Variants in RNF220 observed in about 807,000 individuals in gnomAD.
The protein encoded by RNF220 is ring finger protein 220, also known as E3 ubiquitin-protein ligase RNF220.
In RNF220, 7 loss-of-function variants were observed where a neutral mutation model predicts 67.1. The ratio of observed to expected loss-of-function variants is 0.10; its 90% CI spans 0.06 to 0.20. The LOEUF (loss-of-function observed/expected upper bound fraction) is 0.20, where lower values mean the gene tolerates loss of function less well. Among genes scored for constraint, RNF220 ranks in the 10% least tolerant of loss-of-function variants. The pLI is 1.00. For synonymous variants in RNF220, 270 were observed against 283.2 expected, an observed-to-expected ratio of 0.95 and a Z score of 0.47; for missense variants, 565 against 740.3, an observed-to-expected ratio of 0.76 and a Z score of 2.75.
chr1:44,551,939 G>T (rs1195228701), intron 2 of RNF220, among the ~76,000 whole-genome samples: 1 of 152,078 alleles, frequency 6.6e-6, no homozygotes, highest in Non-Finnish European at 1.5e-5. Flanking sequence ...TCCTTATGGG[G>T]CATGGTTGGC....
chr1:44,571,715 A>G (rs920253716), intron 2 of RNF220, among the ~76,000 whole-genome samples: 2 of 152,184 alleles, frequency 1.3e-5, no homozygotes, highest in Non-Finnish European at 2.9e-5. Flanking sequence ...CAATCTCCTG[A>G]GCTTCCAACT....
chr1:44,491,223 C>A (rs562004740), intron 2 of RNF220, among the ~76,000 whole-genome samples: 1 of 152,160 alleles, frequency 6.6e-6, no homozygotes, highest in Non-Finnish European at 1.5e-5. Context: ...GAACCTTTCC[C>A]AAATTATTTC....
intron 2 of RNF220, among the ~76,000 whole-genome samples, chr1:44,529,897 A>AC (rs1285791478): frequency 9.7e-6 from 1 of 103,022 alleles, no homozygotes; most frequent in Non-Finnish European, 2.1e-5. Context: ...CTAAAAATAC[A>AC]AAAAAAATTA....
chr1:44,517,456 TTTTC>T (rs1659546072), intron 2 of RNF220, among the ~76,000 whole-genome samples: 1 of 152,200 alleles, frequency 6.6e-6, no homozygotes, highest in South Asian at 2.1e-4. Flanking sequence ...TCACCTGTTT[TTTTC>T]TTTCTTTCTT....
intron 2 of RNF220, among the ~76,000 whole-genome samples, chr1:44,497,238 C>T (rs1657419114): frequency 6.6e-6 from 1 of 152,074 alleles, no homozygotes. Context: ...ATGTTTGTCT[C>T]ATCCTTTCCA....
At chr1:44,414,295 C>G (rs1311114431) in intron 2 of RNF220, among the ~76,000 whole-genome samples, 2 of 152,222 alleles carry the variant, frequency 1.3e-5, no homozygotes, top group Non-Finnish European at 2.9e-5. Flanking sequence ...AATGTGACCT[C>G]CAGCCAAAAC....
chr1:44,546,273 C>T (rs567231296), intron 2 of RNF220, among the ~76,000 whole-genome samples: 1 of 152,264 alleles, frequency 6.6e-6, no homozygotes, highest in African/African-American at 2.4e-5. Context: ...CTGTCCTCCT[C>T]CCCAGGCCCA....
intron 2 of RNF220, among the ~76,000 whole-genome samples, chr1:44,488,296 C>CTT (rs1656518393): frequency 6.6e-6 from 1 of 151,926 alleles, no homozygotes; most frequent in South Asian, 2.1e-4. Flanking sequence ...CCACCACACC[C>CTT]GACTAATTTT....
At chr1:44,418,120 TA>T (rs1237717327) in intron 2 of RNF220, among the ~76,000 whole-genome samples, 93 of 151,694 alleles carry the variant, frequency 6.1e-4, no homozygotes, top group African/African-American at 2.1e-3. Context: ...GGGTGACGGA[TA>T]AGGGGGGGGC....
intron 2 of RNF220, among the ~76,000 whole-genome samples, chr1:44,563,747 G>A (rs535610851): frequency 3.3e-5 from 5 of 152,218 alleles, no homozygotes; most frequent in South Asian, 2.1e-4. Flanking sequence ...TGTACTCCTC[G>A]AATGAGATGA....
At chr1:44,470,478 T>G (rs1032548881) in intron 2 of RNF220, among the ~76,000 whole-genome samples, 2 of 152,210 alleles carry the variant, frequency 1.3e-5, no homozygotes, top group Non-Finnish European at 2.9e-5. Flanking sequence ...AAAAATAAAA[T>G]GGATACACAC....
chr1:44,524,259 C>T (rs182025665), intron 2 of RNF220, among the ~76,000 whole-genome samples: 18 of 152,244 alleles, frequency 1.2e-4, no homozygotes, highest in East Asian at 1.9e-4. Context: ...CCGCCGCCAC[C>T]GCCTCTGCTG....
At chr1:44,635,434 A>T (rs1282524528) in intron 6 of RNF220, 111 bp from the exon 7 acceptor site, 3 of 1,500,006 alleles carry the variant, frequency 2.0e-6, no homozygotes, top group Non-Finnish European at 1.8e-6. Context: ...GGCACTGAAT[A>T]AAAAGGCCAA....
Position 44,412,753 on chromosome 1 carries a change from C to A in RNF220, c.625+31C>A. 1 of 1,589,892 alleles carries A rather than the reference C, an allele frequency of 6.3e-7. No individual in the cohort carries two copies. Among genetic ancestry groups the A allele is most frequent in the South Asian group, 1.1e-5 (1 of 86,990 alleles). ...TACTTTGGTTCCAGCCCTCCCTTACCCCCAGTAAGCCCTGCCTCACCGTGA... is the reference window on the plus strand; with the variant it reads ...TACTTTGGTTCCAGCCCTCCCTTACACCCAGTAAGCCCTGCCTCACCGTGA... On this transcript the variant is annotated intron_variant, in intron 2 of 14. Coordinates refer to ENST00000361799, the MANE Select transcript of RNF220 (RefSeq NM_018150.4). The surrounding 1 kb of genome is among the most constrained non-coding windows in gnomAD (Gnocchi z 5.3).
At chr1:44,603,062 A>G (rs1329138337) in intron 2 of RNF220, among the ~76,000 whole-genome samples, 1 of 152,180 alleles carries the variant, frequency 6.6e-6, no homozygotes, top group Non-Finnish European at 1.5e-5. Context: ...GTCACCAGCA[A>G]TGAAAAATGA....
intron 5 of RNF220, among the ~76,000 whole-genome samples, chr1:44,628,701 C>G (rs1393763470): frequency 6.6e-6 from 1 of 152,252 alleles, no homozygotes; most frequent in Non-Finnish European, 1.5e-5. Context: ...ATGCTAAACA[C>G]TCCCTGGATG....
At chr1:44,502,184 A>G (rs1284181193) in intron 2 of RNF220, among the ~76,000 whole-genome samples, 2 of 147,990 alleles carry the variant, frequency 1.4e-5, no homozygotes, top group African/African-American at 5.1e-5. Flanking sequence ...CACACACACC[A>G]TACACGCTCA....
intron 1 of RNF220, among the ~76,000 whole-genome samples, chr1:44,407,144 G>C (rs1412018729): frequency 1.3e-5 from 2 of 152,288 alleles, no homozygotes; most frequent in East Asian, 1.9e-4. Flanking sequence ...GGCCCGGGTC[G>C]TCTGGGGTCT....
intron 6 of RNF220, among the ~76,000 whole-genome samples, chr1:44,634,161 G>GC (rs1175336030): frequency 6.6e-6 from 1 of 152,200 alleles, no homozygotes; most frequent in Non-Finnish European, 1.5e-5. Flanking sequence ...AGGAGCTGGA[G>GC]CCCTAGCACA....
Sources: allele counts gnomAD v4.1 joint callset (sites outside exome capture counted in the v4.1 genomes callset), GRCh38; gene constraint gnomAD v4.1.1; non-coding constraint Gnocchi (gnomAD v3.1); transcripts MANE v1.5; gene names NCBI Gene and HGNC (gene_info 2026-07-23, HGNC 2026-07-21).